The following CDCA7L variants were observed in gnomAD, a reference collection of about 807,000 sequenced individuals.
CDCA7L encodes the protein cell division cycle associated 7 like, also known as cell division cycle-associated 7-like protein.
CDCA7L carries 44 observed loss-of-function variants against 57.4 expected under a neutral mutation model. That is an observed-to-expected ratio of 0.77 (90% CI 0.60 to 0.98). The LOEUF is 0.98. Ranked by LOEUF, CDCA7L falls within the 50% of genes least tolerant of loss-of-function variation. The pLI, the probability that CDCA7L is intolerant of heterozygous loss-of-function variation, is 0.00. For missense variants in CDCA7L, 644 were observed against 580.6 expected, an observed-to-expected ratio of 1.11 and a Z score of -1.12; for synonymous variants, 236 against 202.8, an observed-to-expected ratio of 1.16 and a Z score of -1.39.
chr7:21,904,070 C>A, intron 8 of CDCA7L, 40 bp downstream of exon 8: 1 of 1,520,110 alleles, frequency 6.6e-7, no homozygotes, highest in Admixed American at 2.0e-5. Context: ...TTGCTTCCTT[C>A]ACCAATACAA....
intron 1 of CDCA7L, among the ~76,000 whole-genome samples, chr7:21,926,176 A>C (rs1356792805): frequency 6.6e-6 from 1 of 152,228 alleles, no homozygotes; most frequent in Non-Finnish European, 1.5e-5. Flanking sequence ...AAGCATCTAA[A>C]TAAGAAAACG....
At chr7:21,926,262 A>G (rs1408344427) in intron 1 of CDCA7L, among the ~76,000 whole-genome samples, 1 of 152,206 alleles carries the variant, frequency 6.6e-6, no homozygotes, top group East Asian at 1.9e-4. Context: ...GTTAACACCA[A>G]CAGCACAAGC....
At chr7:21,939,188 G>A (rs1164542993) in intron 1 of CDCA7L, among the ~76,000 whole-genome samples, 1 of 152,146 alleles carries the variant, frequency 6.6e-6, no homozygotes, top group Non-Finnish European at 1.5e-5. Context: ...GTAACCAGGG[G>A]CTGGAGGAAG....
intron 7 of CDCA7L, among the ~76,000 whole-genome samples, chr7:21,904,716 CA>C (rs1427324255): frequency 6.6e-6 from 1 of 152,196 alleles, no homozygotes; most frequent in Non-Finnish European, 1.5e-5. Context: ...CTGTCTTTCA[CA>C]AAACCAGTCC....
At position 21,902,346 on chromosome 7, in the gene CDCA7L, T is replaced by TTGTAAGCTGGGAAAAAG. The variant is rs1784936663; in HGVS notation, c.1335-11_1340dup (p.Gln447HisfsTer11). The stretch of plus-strand genomic sequence containing the variant: ...CTTAATTGTCTTCTACCAGCTCCTT[T>TTGTAAGCTGGGAAAAAG]TGTAAGCTGGGAAAAAGATGAGAAG... On this transcript the variant is annotated frameshift_variant, in exon 10 of 10. Coordinates refer to ENST00000406877, the MANE Select transcript of CDCA7L (RefSeq NM_018719.5). LOFTEE classifies it high-confidence loss of function. 6.2e-7 allele frequency: 1 copy of TTGTAAGCTGGGAAAAAG among 1,613,682 alleles called. No homozygotes were observed. Among genetic ancestry groups the TTGTAAGCTGGGAAAAAG allele is most frequent in the African/African-American group, 1.3e-5 (1 of 74,884 alleles).
chr7:21,944,449 CAAA>C lies in CDCA7L; in HGVS notation c.24+1329_24+1331del, dbSNP rs59373889. Among the ~76,000 whole-genome samples the C allele has an allele frequency of 3.8e-3, 235 of 61,610 alleles. 1 individual carries two copies. Among genetic ancestry groups the C allele is most frequent in the African/African-American group, 7.1e-3 (79 of 11,148 alleles). 40.4% of individuals were successfully genotyped at this position (61,610 alleles called of 152,430 possible). A position where few individuals can be genotyped will look rare whatever the true frequency, so the allele number is the denominator to read the frequency against. The stretch of plus-strand genomic sequence containing the variant: ...CCGGACAAGAGCGAAACTCCGTCTC[CAAA>C]AAAAAAAAAAAAAAAAAAAGGATGC... On this transcript the variant is annotated intron_variant, in intron 1 of 9. Coordinates refer to ENST00000406877, the MANE Select transcript of CDCA7L (RefSeq NM_018719.5).
chr7:21,910,007 C>A (rs1285902188), intron 3 of CDCA7L, among the ~76,000 whole-genome samples: 2 of 152,162 alleles, frequency 1.3e-5, no homozygotes. Context: ...CTTTTCTTCT[C>A]ACTGGATTCT....
At chr7:21,904,409 G>A (rs1785063387) in intron 7 of CDCA7L, 150 bp from the exon 8 acceptor site, 1 of 850,398 alleles carries the variant, frequency 1.2e-6, no homozygotes, top group South Asian at 2.2e-5. Context: ...CCACAGCATT[G>A]TCTCTAGACC....
At chr7:21,905,977 C>G (rs1785125477) in intron 6 of CDCA7L, among the ~76,000 whole-genome samples, 1 of 152,208 alleles carries the variant, frequency 6.6e-6, no homozygotes, top group African/African-American at 2.4e-5. Flanking sequence ...AACAGAAAGG[C>G]AAGGAGGAAT....
chr7:21,904,058 G>A (rs994471749), intron 8 of CDCA7L, 52 bp downstream of exon 8: 6 of 1,495,230 alleles, frequency 4.0e-6, no homozygotes, highest in Non-Finnish European at 5.4e-6. Context: ...CATCTTTATA[G>A]CTTGCTTCCT....
At chr7:21,930,864 A>C (rs1016691023) in intron 1 of CDCA7L, among the ~76,000 whole-genome samples, 4 of 152,080 alleles carry the variant, frequency 2.6e-5, no homozygotes, top group Non-Finnish European at 5.9e-5. Context: ...TTTTTTGAAA[A>C]GATCAACAAA....
At chr7:21,913,345 T>A (rs1785391381) in intron 2 of CDCA7L, among the ~76,000 whole-genome samples, 1 of 151,934 alleles carries the variant, frequency 6.6e-6, no homozygotes, top group Admixed American at 6.6e-5. Flanking sequence ...AGAAAAAAAA[T>A]TGCACACACA....
At chr7:21,933,682 T>C (rs1042917319) in intron 1 of CDCA7L, among the ~76,000 whole-genome samples, 4 of 151,896 alleles carry the variant, frequency 2.6e-5, no homozygotes, top group Admixed American at 1.3e-4. Flanking sequence ...GGGATATCAT[T>C]AGGAGAAATA....
Position 21,901,300 on chromosome 7 carries a change from T to TTTTCTAGCATGTTGCTG in CDCA7L, c.*1005_*1021dup. ...AGCCTCTGCTGGAGTGCAGTGAGGATTTTCTAGCATGTTGCTGCACTGTTC... is the reference window on the plus strand; with the variant it reads ...AGCCTCTGCTGGAGTGCAGTGAGGATTTTCTAGCATGTTGCTGTTTCTAGCATGTTGCTGCACTGTTC... On this transcript the variant is annotated 3_prime_UTR_variant, in exon 10 of 10. Transcript: ENST00000406877. 6.4e-7 allele frequency: 1 copy of TTTTCTAGCATGTTGCTG among 1,551,264 alleles called. No homozygotes were observed. Among genetic ancestry groups the TTTTCTAGCATGTTGCTG allele is most frequent in the Non-Finnish European group, 8.7e-7 (1 of 1,150,036 alleles).
At chr7:21,935,372 T>C (rs1469827344) in intron 1 of CDCA7L, among the ~76,000 whole-genome samples, 3 of 151,930 alleles carry the variant, frequency 2.0e-5, no homozygotes. Context: ...CCAAAATATA[T>C]GGGATGCAGC....
chr7:21,903,060 G>A lies in CDCA7L; in HGVS notation c.1252C>T (p.Arg418Cys), dbSNP rs748848014. The stretch of plus-strand genomic sequence containing the variant: ...ATTCCTGTGGCACAGCGGCCGTCAC[G>A]CTTCCGACAGTAGCTGCAATTGCAG... ...GICNCSYCRK[R>C]DGRCATGILI... is the part of the protein sequence containing the mutation. The change falls in exon 9 of 10, where the codon CGT becomes TGT. Residue 418 changes from arginine (R) to cysteine (C), a missense_variant. Coordinates refer to ENST00000406877, the MANE Select transcript of CDCA7L (RefSeq NM_018719.5). The A allele has an allele frequency of 1.9e-6, 3 of 1,613,986 alleles. No homozygotes were observed. Among genetic ancestry groups the A allele is most frequent in the East Asian group, 2.2e-5 (1 of 44,880 alleles).
intron 1 of CDCA7L, among the ~76,000 whole-genome samples, chr7:21,927,458 C>A (rs1025482127): frequency 6.6e-6 from 1 of 152,008 alleles, no homozygotes; most frequent in South Asian, 2.1e-4. Flanking sequence ...TTTGAAAATA[C>A]TGAGTCAGAG....
chr7:21,928,103 G>A (rs1483318448), intron 1 of CDCA7L, among the ~76,000 whole-genome samples: 4 of 152,196 alleles, frequency 2.6e-5, no homozygotes, highest in Non-Finnish European at 5.9e-5. Context: ...CTGGGATGAA[G>A]CTTCCAGAGG....
chr7:21,942,909 C>A (rs1318682098), intron 1 of CDCA7L, among the ~76,000 whole-genome samples: 1 of 152,158 alleles, frequency 6.6e-6, no homozygotes, highest in Non-Finnish European at 1.5e-5. Flanking sequence ...GCTAAGAGAC[C>A]AATACCAGAA....
Sources: allele counts gnomAD v4.1 joint callset (sites outside exome capture counted in the v4.1 genomes callset), GRCh38; gene constraint gnomAD v4.1.1; transcripts MANE v1.5; gene names NCBI Gene and HGNC (gene_info 2026-07-23, HGNC 2026-07-21).